ATF7: variants seen among roughly 807,000 people sequenced by gnomAD.
ATF7 encodes the protein cyclic AMP-dependent transcription factor ATF-7.
Under a neutral mutation model 50.4 loss-of-function variants are expected in ATF7, and 10 were observed. The ratio of observed to expected loss-of-function variants is 0.20; its 90% confidence interval spans 0.12 to 0.34. The LOEUF (loss-of-function observed/expected upper bound fraction) is 0.34. ATF7 is among the 10% of genes least tolerant of loss of function. The pLI is 1.00. For missense variants in ATF7, 465 were observed against 613.9 expected (o/e 0.76, Z 2.56); for synonymous variants, 201 against 226.4 (o/e 0.89, Z 1.01).
Position 53,517,172 on chromosome 12 carries a change from T to C in ATF7, c.1417A>G (p.Ile473Val), listed in dbSNP as rs747327111. Residue 473 changes from isoleucine to valine, a missense_variant, in exon 12 of 12, where the codon ATC becomes GTC. Coordinates refer to ENST00000420353, the MANE Select transcript of ATF7 (RefSeq NM_006856.3). ...ELSMPIQSHV[I>V]MTPQSQSAGR ...GCAGACTGGGACTGTGGGGTCATGA[T>C]TACATGCGATTGTATCGGCATGCTC... 6.2e-7 allele frequency: 1 copy of C among 1,613,664 alleles called. No homozygotes were observed. The highest frequency in any genetic ancestry group is 8.5e-7 in the Non-Finnish European group (1 of 1,179,898).
At chr12:53,525,500 T>C (rs1266896391) in intron 9 of ATF7, among the ~76,000 whole-genome samples, 1 of 152,210 alleles carries the variant, frequency 6.6e-6, no homozygotes, top group Middle Eastern at 3.2e-3. Context: ...AACAATTACA[T>C]ACTATTACAG....
intron 3 of ATF7, among the ~76,000 whole-genome samples, chr12:53,544,588 A>G (rs1476151558): frequency 6.6e-6 from 1 of 152,078 alleles, no homozygotes; most frequent in African/African-American, 2.4e-5. Context: ...CTCTACAAAA[A>G]AATACAAAAA....
At position 53,533,173 on chromosome 12, in the gene ATF7, G is replaced by T; in HGVS notation, c.647C>A (p.Pro216Gln). The T allele has an allele frequency of 6.2e-7, 1 of 1,612,838 alleles. No homozygotes were observed. Among genetic ancestry groups the T allele is most frequent in the Non-Finnish European group, 8.5e-7 (1 of 1,179,006 alleles). ...TACAGAGCTCACCGATATAACAGAC[G>T]GCATCTGTACTGGAGGCCCTGGCAA... is the stretch of plus-strand genomic sequence containing the variant. ...PVLPGPPVQM[P>Q]SVISLARPVS... Residue 216 changes from proline to glutamine, a missense_variant, in exon 7 of 12, where the codon CCG becomes CAG. Transcript: ENST00000420353.
rs1470947163 is a variant in ATF7 at position 53,531,886 on chromosome 12, G to A, written c.785C>T (p.Ala262Val). 1 of 1,613,584 alleles carries A rather than the reference G, an allele frequency of 6.2e-7. No individual in the cohort carries two copies. Among genetic ancestry groups the A allele is most frequent in the Non-Finnish European group, 8.5e-7 (1 of 1,179,818 alleles). ...IPSEAKMRLK[A>V]TLTHQVSSIN... is the part of the protein sequence containing the mutation. ...TGAGGAGACTTGGTGAGTTAGGGTGGCTTTCAGTCTCTGTGGGCAAAGATA... is the reference window on the plus strand; with the variant it reads ...TGAGGAGACTTGGTGAGTTAGGGTGACTTTCAGTCTCTGTGGGCAAAGATA... Residue 262 changes from alanine (A) to valine (V), a missense_variant, in exon 9 of 12, where the codon GCC (alanine) becomes GTC (valine). Physicochemically the swap from Ala to Val is moderately conservative, Grantham distance 64. Coordinates refer to ENST00000420353, the MANE Select transcript of ATF7 (RefSeq NM_006856.3).
Position 53,585,924 on chromosome 12 carries a change from G to C in ATF7, c.48+15029C>G, listed in dbSNP as rs564645678. ...GCAAAATGCCTCCCTTAGGACTATGGGAATAGCCAACAAGGTACAGTATGT... is the reference window on the plus strand; with the variant it reads ...GCAAAATGCCTCCCTTAGGACTATGCGAATAGCCAACAAGGTACAGTATGT... On this transcript the variant is annotated intron_variant, in intron 2 of 11. Coordinates refer to ENST00000420353, the MANE Select transcript of ATF7 (RefSeq NM_006856.3). Among the ~76,000 whole-genome samples, 66 of 152,172 alleles carry C rather than the reference G, an allele frequency of 4.3e-4. 1 individual carries two copies. The highest frequency in any genetic ancestry group is 1.5e-3 in the African/African-American group (63 of 41,510).
At chr12:53,547,281 G>GA (rs1592840240) in intron 3 of ATF7, among the ~76,000 whole-genome samples, 1 of 105,844 alleles carries the variant, frequency 9.4e-6, no homozygotes, top group Non-Finnish European at 1.8e-5. Flanking sequence ...ACCGTGCCCA[G>GA]CCTTTTTTTT....
At chr12:53,600,699 A>C in intron 2 of ATF7, 1 of 364,926 alleles carries the variant, frequency 2.7e-6, no homozygotes, top group East Asian at 5.1e-5. Flanking sequence ...GGAGACAGCA[A>C]CATGTATTTT....
chr12:53,577,067 AAG>A (rs1942112724), intron 2 of ATF7, among the ~76,000 whole-genome samples: 1 of 152,040 alleles, frequency 6.6e-6, no homozygotes, highest in Non-Finnish European at 1.5e-5. Flanking sequence ...AAAAACAAAA[AAG>A]AAATGAAGAA....
Position 53,524,460 on chromosome 12 carries a change from A to T in ATF7, c.1125+104T>A. The T allele has an allele frequency of 7.7e-7, 1 of 1,294,428 alleles. No individual in the cohort carries two copies. The highest frequency in any genetic ancestry group is 1.1e-6 in the Non-Finnish European group (1 of 924,562). 80.2% of individuals were successfully genotyped at this position (1,294,428 alleles called of 1,614,324 possible). A position where few individuals can be genotyped will look rare whatever the true frequency, so the allele number is the denominator to read the frequency against. On this transcript the variant is annotated intron_variant, in intron 10 of 11. Transcript: ENST00000420353. The surrounding 1 kb of genome is among the most constrained non-coding windows in gnomAD (Gnocchi z 4.6). ...TTCATGGGACAACTAGATCTGTCCT[A>T]ATTAGAGAATTACCATCTTCTATCA...
chr12:53,558,556 G>C (rs1465418157), intron 2 of ATF7, among the ~76,000 whole-genome samples: 1 of 152,164 alleles, frequency 6.6e-6, no homozygotes, highest in Non-Finnish European at 1.5e-5. Flanking sequence ...ACTTAGGATA[G>C]GAAAATTAGG....
intron 3 of ATF7, among the ~76,000 whole-genome samples, chr12:53,550,323 C>CAAAAAAAAAAA (rs72114384): frequency 7.9e-6 from 1 of 126,390 alleles, no homozygotes; most frequent in East Asian, 2.5e-4. Flanking sequence ...GACCCTGTCT[C>CAAAAAAAAAAA]AAAAAAAAAA....
intron 9 of ATF7, among the ~76,000 whole-genome samples, chr12:53,530,328 G>A (rs1938792857): frequency 6.6e-6 from 1 of 152,176 alleles, no homozygotes; most frequent in African/African-American, 2.4e-5. Context: ...GAAAAGAGGG[G>A]CCAGGCAAAG....
In ATF7 at chr12:53,534,496, A is replaced by G; in HGVS notation, c.560+6T>C. On this transcript the variant is annotated splice_donor_region_variant and intron_variant, in intron 6 of 11. Transcript: ENST00000420353. ...TTCACTACTTCTCCCTGCTCTCTGT[A>G]CTTACCCCATTTGCCTGTTGGATGG... 6.2e-7 allele frequency: 1 copy of G among 1,613,730 alleles called. No individual in the cohort carries two copies. The highest frequency in any genetic ancestry group is 1.1e-5 in the South Asian group (1 of 91,072).
intron 9 of ATF7, among the ~76,000 whole-genome samples, chr12:53,526,205 T>C (rs1453186675): frequency 8.4e-6 from 1 of 119,256 alleles, no homozygotes; most frequent in Non-Finnish European, 2.0e-5. Flanking sequence ...TGAAACTCGG[T>C]CTCAAAAAAA....
intron 2 of ATF7, among the ~76,000 whole-genome samples, chr12:53,596,868 G>C (rs1274653980): frequency 6.6e-6 from 1 of 152,074 alleles, no homozygotes; most frequent in Non-Finnish European, 1.5e-5. Context: ...TCTTTAAATA[G>C]ATGCTATCTT....
intron 1 of ATF7, among the ~76,000 whole-genome samples, chr12:53,615,253 G>A (rs1304066421): frequency 2.6e-5 from 4 of 151,886 alleles, no homozygotes; most frequent in African/African-American, 7.3e-5. Flanking sequence ...GCATGGTGGC[G>A]GGCGCCTGTA....
rs777243513 is a variant in ATF7, at chr12:53,559,121, T to TA, written c.49-6485dup. Among the ~76,000 whole-genome samples, 261 of 136,442 alleles carry TA rather than the reference T, an allele frequency of 1.9e-3. 2 individuals are homozygous for TA. The South Asian group carries it at 0.021, about 11-fold the overall frequency. The allele number at this position is 136,442 out of a possible 152,430, so 89.5% of individuals were successfully genotyped here. A position where few individuals can be genotyped will look rare whatever the true frequency, so the allele number is the denominator to read the frequency against. On this transcript the variant is annotated intron_variant, in intron 2 of 11. Transcript: ENST00000420353. ...ACATCGTTAAGACCTTGTCTCTATT[T>TA]AAAAAAAAAAAAAAAGGAATGGCCT...
rs1939709381 is a variant in ATF7, at chr12:53,543,719, C to G, written c.146-271G>C. ...CCACGTACCCACTTTTCTCTCAGTG[C>G]TAGTTTTACCTCGTTTACCTCCAAC... On this transcript the variant is annotated intron_variant, in intron 3 of 11. Transcript: ENST00000420353. 1.3e-5 allele frequency: 5 copies of G among 386,248 alleles called. 1 individual carries two copies. In the South Asian group the frequency reaches 2.2e-4, roughly 17 times the overall value. The allele number at this position is 386,248 out of a possible 1,614,324, so 23.9% of individuals were successfully genotyped here. A position where few individuals can be genotyped will look rare whatever the true frequency, so the allele number is the denominator to read the frequency against.
At position 53,515,171 on chromosome 12, in the gene ATF7, G is replaced by A. The variant is rs968737087; in HGVS notation, c.*1966C>T. 1 of 152,206 alleles carries A rather than the reference G, an allele frequency of 6.6e-6. No individual in the cohort carries two copies. Among genetic ancestry groups the A allele is most frequent in the African/African-American group, 2.4e-5 (1 of 41,432 alleles). The allele number at this position is 152,206 out of a possible 1,614,324, so 9.4% of individuals were successfully genotyped here. A position where few individuals can be genotyped will look rare whatever the true frequency, so the allele number is the denominator to read the frequency against. Reference sequence around the variant, plus strand: ...TGTTTTCTCTCCTTTGTCTTTAGGGGTGTGGCCTGTTCAGCACCAGCTCTG... The same window carrying A: ...TGTTTTCTCTCCTTTGTCTTTAGGGATGTGGCCTGTTCAGCACCAGCTCTG... On this transcript the variant is annotated 3_prime_UTR_variant, in exon 12 of 12. Coordinates refer to ENST00000420353, the MANE Select transcript of ATF7 (RefSeq NM_006856.3).
Sources: allele counts gnomAD v4.1 joint callset (sites outside exome capture counted in the v4.1 genomes callset), GRCh38; gene constraint gnomAD v4.1.1; non-coding constraint Gnocchi (gnomAD v3.1); transcripts MANE v1.5; gene names NCBI Gene and HGNC (gene_info 2026-07-23, HGNC 2026-07-21).